MYH13: variants seen among roughly 807,000 people sequenced by gnomAD.
MYH13 encodes myosin heavy chain 13.
A neutral mutation model predicts 232.1 loss-of-function variants in MYH13; 177 were observed. That is an observed-to-expected ratio of 0.76 (90% CI 0.67 to 0.86). The LOEUF (loss-of-function observed/expected upper bound fraction) is 0.86, where lower values mean the gene tolerates loss of function less well. Ranked by LOEUF, MYH13 falls within the 40% of genes least tolerant of loss-of-function variation. MYH13 has a pLI of 0.00. For missense variants in MYH13, 2,246 were observed against 2,405.9 expected (o/e 0.93, Z 1.39); for synonymous variants, 884 against 923.5 (o/e 0.96, Z 0.78).
chr17:10,370,776 C>T (rs943562916), intron 2 of MYH13, among the ~76,000 whole-genome samples: 6 of 152,116 alleles, frequency 3.9e-5, no homozygotes, highest in African/African-American at 1.2e-4. Flanking sequence ...ATTACCGCAC[C>T]GGGCATAGGA....
intron 15 of MYH13, 134 bp downstream of exon 15, chr17:10,345,067 AG>A: frequency 1.5e-6 from 2 of 1,340,680 alleles, no homozygotes; most frequent in Non-Finnish European, 2.1e-6. Context: ...CTTTGCAAAT[AG>A]GCATTCAGTT....
rs767194192 is a variant in MYH13 at position 10,301,623 on chromosome 17, G to T, written c.5748C>A (p.Ile1916=). The change falls in exon 40 of 41, where the codon ATC becomes ATA. Residue 1916 remains isoleucine (I), a synonymous_variant. Transcript: ENST00000252172. ...TCAGCTTGTTGACCTGGGACTCAGC[G>T]ATGTCCGCCCTCTCCGCGGCCTCCT... ...ELEEAAERAD[I]AESQVNKLRA... is the part of the protein sequence containing the mutation. The T allele has an allele frequency of 3.1e-6, 5 of 1,614,186 alleles. No homozygotes were observed. Among genetic ancestry groups the T allele is most frequent in the Non-Finnish European group, 3.4e-6 (4 of 1,180,036 alleles).
intron 12 of MYH13, among the ~76,000 whole-genome samples, chr17:10,347,479 C>T (rs1304417974): frequency 6.6e-6 from 1 of 152,142 alleles, no homozygotes; most frequent in African/African-American, 2.4e-5. Context: ...GAGGCACCTT[C>T]CTAATTTAAG....
At chr17:10,327,706 A>G (rs1197904694) in intron 22 of MYH13, among the ~76,000 whole-genome samples, 160 bp downstream of exon 22, 1 of 152,136 alleles carries the variant, frequency 6.6e-6, no homozygotes, top group African/African-American at 2.4e-5. Flanking sequence ...GCCCGGGACC[A>G]GGCATCCTTT....
intron 22 of MYH13, among the ~76,000 whole-genome samples, chr17:10,326,258 A>C (rs1279133076): frequency 6.6e-6 from 1 of 152,184 alleles, no homozygotes; most frequent in Non-Finnish European, 1.5e-5. Context: ...ATCTTGTTCC[A>C]AGAGCTGTTC....
intron 16 of MYH13, among the ~76,000 whole-genome samples, chr17:10,342,463 G>A (rs561820800): frequency 7.2e-5 from 11 of 152,162 alleles, no homozygotes; most frequent in South Asian, 2.1e-4. Flanking sequence ...TATATATACC[G>A]TGTATACCCA....
intron 1 of MYH13, among the ~76,000 whole-genome samples, chr17:10,371,506 T>A (rs2071877369): frequency 6.6e-6 from 1 of 152,246 alleles, no homozygotes; most frequent in Non-Finnish European, 1.5e-5. Flanking sequence ...GTGTGTACAA[T>A]GTACTGTGTC....
chr17:10,350,652 C>A lies in MYH13; in HGVS notation c.1048G>T (p.Gly350Trp), dbSNP rs757492935. The A allele has an allele frequency of 1.2e-6, 2 of 1,613,710 alleles. No individual in the cohort carries two copies. Among genetic ancestry groups the A allele is most frequent in the Non-Finnish European group, 1.7e-6 (2 of 1,179,926 alleles). The change falls in exon 12 of 41, where the codon GGG (glycine) becomes TGG (tryptophan). Residue 350 changes from glycine to tryptophan, a missense_variant. Gly to Trp is a radical substitution (Grantham distance 184). Coordinates refer to ENST00000252172, the MANE Select transcript of MYH13 (RefSeq NM_003802.3). Reference sequence around the variant, plus strand: ...ACGGCTCCCGTCAGTTTGTAGATCCCGACTTTCTCCTCTGAGCTGAAGCCC... The same window carrying A: ...ACGGCTCCCGTCAGTTTGTAGATCCAGACTTTCTCCTCTGAGCTGAAGCCC... ...ILGFSSEEKVGIYKLTGAVMH... is the reference protein window; with the variant it reads ...ILGFSSEEKVWIYKLTGAVMH...
chr17:10,349,728 A>G (rs889255275), intron 12 of MYH13, among the ~76,000 whole-genome samples: 5 of 152,172 alleles, frequency 3.3e-5, no homozygotes, highest in Admixed American at 3.3e-4. Context: ...AGGCAGGCCT[A>G]GGATAGAAGG....
intron 11 of MYH13, among the ~76,000 whole-genome samples, chr17:10,352,450 C>G (rs377427904): frequency 1.3e-5 from 2 of 152,136 alleles, no homozygotes; most frequent in South Asian, 2.1e-4. Context: ...ATTAGCCGAG[C>G]GTGGTGACAG....
intron 15 of MYH13, 30 bp downstream of exon 15, chr17:10,345,172 G>T: frequency 1.2e-6 from 2 of 1,613,998 alleles, no homozygotes; most frequent in Non-Finnish European, 1.7e-6. Context: ...CAATAAGGAG[G>T]AGCTGTCCCA....
Position 10,303,202 on chromosome 17 carries a change from C to A in MYH13, c.5661G>T (p.Glu1887Asp). 1.9e-6 allele frequency: 3 copies of A among 1,612,922 alleles called. No individual in the cohort carries two copies. In the South Asian group the frequency reaches 3.3e-5, roughly 18 times the overall value. Reference sequence around the variant, plus strand: ...GGGGACCTCCTGTGCTTACCGCCTCCTCAGCCTGCCTCTTGTAAGACTTCA... The same window carrying A: ...GGGGACCTCCTGTGCTTACCGCCTCATCAGCCTGCCTCTTGTAAGACTTCA... ...AKVKSYKRQA[E>D]EAEEQANTQL... Residue 1887 changes from glutamate (E) to aspartate (D), a missense_variant, in exon 39 of 41, where the codon GAG (glutamate) becomes GAT (aspartate). Transcript: ENST00000252172.
chr17:10,313,494 G>A, intron 29 of MYH13, 140 bp from the exon 30 acceptor site: 1 of 1,257,484 alleles, frequency 8.0e-7, no homozygotes, highest in Non-Finnish European at 1.1e-6. Context: ...CATATCACCT[G>A]GTTTATTTAA....
Position 10,312,789 on chromosome 17 carries a change from G to A in MYH13, c.4182-32C>T, listed in dbSNP as rs765238404. 55 of 1,586,730 alleles carry A rather than the reference G, an allele frequency of 3.5e-5. No homozygotes were observed. The Admixed American group carries it at 6.3e-4, about 18-fold the overall frequency. ...AAACCAGATTTTTTTTTTCCCCTTCGCAAAGGTGGAATATTTCAGTAGGTA... is the reference window on the plus strand; with the variant it reads ...AAACCAGATTTTTTTTTTCCCCTTCACAAAGGTGGAATATTTCAGTAGGTA... On this transcript the variant is annotated intron_variant, in intron 30 of 40. Transcript: ENST00000252172.
At position 10,300,902 on chromosome 17, in the gene MYH13, C is replaced by T. The variant is rs1347465383; in HGVS notation, c.*49G>A. ...GGAGAATTTATTTCTCACACATTTT[C>T]CCTCCACTCTCTCGGAGGTGTCCCA... On this transcript the variant is annotated 3_prime_UTR_variant, in exon 41 of 41. Transcript: ENST00000252172. 22 of 1,589,276 alleles carry T rather than the reference C, an allele frequency of 1.4e-5. No individual in the cohort carries two copies. Among genetic ancestry groups the T allele is most frequent in the Non-Finnish European group, 1.9e-5 (22 of 1,162,822 alleles).
At chr17:10,319,270 A>C (rs1284770710) in intron 26 of MYH13, 91 bp from the exon 27 acceptor site, 2 of 1,436,908 alleles carry the variant, frequency 1.4e-6, no homozygotes, top group African/African-American at 2.9e-5. Flanking sequence ...GCGGGTAGGC[A>C]GCATGAGGTG....
intron 21 of MYH13, among the ~76,000 whole-genome samples, chr17:10,328,740 C>G (rs528658777): frequency 6.8e-6 from 1 of 147,436 alleles, no homozygotes; most frequent in East Asian, 2.0e-4. Context: ...TGCAATGGTG[C>G]AATCTCGGCT....
At chr17:10,360,283 T>G in intron 5 of MYH13, 95 bp from the exon 6 acceptor site, 11 of 1,394,122 alleles carry the variant, frequency 7.9e-6, no homozygotes, top group Non-Finnish European at 1.1e-5. Context: ...ACATAGGCTC[T>G]AGTTAATGTC....
chr17:10,324,333 CCTCTAA>C, intron 22 of MYH13, 69 bp from the exon 23 acceptor site: 1 of 1,577,150 alleles, frequency 6.3e-7, no homozygotes, highest in Admixed American at 1.8e-5. Flanking sequence ...AGGGTATCAC[CCTCTAA>C]AAGCTTATTA....
Sources: gnomAD v4.1 joint callset for allele counts (sites outside exome capture counted in the v4.1 genomes callset) on GRCh38, gnomAD v4.1.1 for gene constraint, MANE v1.5 for transcripts, NCBI Gene and HGNC (gene_info 2026-07-23, HGNC 2026-07-21) for gene names.